EPHA6: variants seen among roughly 807,000 people sequenced by gnomAD.
EPHA6 encodes the protein EPH receptor A6.
A neutral mutation model predicts 112.0 loss-of-function variants in EPHA6; 50 were observed. That is an observed-to-expected ratio of 0.45 (90% CI 0.36 to 0.56). EPHA6 has a LOEUF of 0.56. Among genes scored for constraint, EPHA6 ranks in the 20% least tolerant of loss-of-function variants. EPHA6 has a pLI of 0.00. For synonymous variants in EPHA6, 529 were observed against 490.7 expected (o/e 1.08, Z -1.03); for missense variants, 1,280 against 1,417.4 (o/e 0.90, Z 1.56).
intron 3 of EPHA6, among the ~76,000 whole-genome samples, chr3:97,006,228 C>G (rs1211072349): frequency 6.6e-6 from 1 of 152,198 alleles, no homozygotes; most frequent in African/African-American, 2.4e-5. Context: ...TAGAGTTCAG[C>G]TGTGAATCCA....
At chr3:97,521,069 A>G (rs971249069) in intron 10 of EPHA6, among the ~76,000 whole-genome samples, 1 of 150,148 alleles carries the variant, frequency 6.7e-6, no homozygotes, top group African/African-American at 2.5e-5. Context: ...TATAATATCT[A>G]TCTCTTTGGT....
At chr3:97,669,595 TAAA>T (rs77846776) in intron 14 of EPHA6, among the ~76,000 whole-genome samples, 6 of 135,806 alleles carry the variant, frequency 4.4e-5, no homozygotes, top group Middle Eastern at 3.5e-3. Context: ...TATCCCATCT[TAAA>T]AAAAAAAAAA....
In EPHA6 at chr3:97,750,646, C is replaced by T. The variant is rs1007152035; in HGVS notation, c.*1945C>T. ...CTGAGATTACAGGCGTGAGCCACCG[C>T]GCCTGGCCATTTTTTTCTTATATTT... On this transcript the variant is annotated 3_prime_UTR_variant, in exon 18 of 18. Coordinates refer to ENST00000389672, the MANE Select transcript of EPHA6 (RefSeq NM_001080448.3). Among the ~76,000 whole-genome samples the T allele has an allele frequency of 3.3e-5, 5 of 152,088 alleles. No individual in the cohort carries two copies. Among genetic ancestry groups the T allele is most frequent in the African/African-American group, 1.2e-4 (5 of 41,416 alleles).
chr3:97,681,275 T>C (rs1409114039), intron 14 of EPHA6, among the ~76,000 whole-genome samples: 2 of 152,152 alleles, frequency 1.3e-5, no homozygotes, highest in Non-Finnish European at 2.9e-5. Context: ...ACACTGTTGG[T>C]AAGAATATAA....
intron 2 of EPHA6, among the ~76,000 whole-genome samples, chr3:96,887,201 C>T: frequency 6.6e-6 from 1 of 151,784 alleles, no homozygotes; most frequent in Non-Finnish European, 1.5e-5. Context: ...TTTCTGGTTC[C>T]TTCTCATTTG....
chr3:97,477,620 A>G (rs2107470033), intron 8 of EPHA6, among the ~76,000 whole-genome samples: 1 of 152,332 alleles, frequency 6.6e-6, no homozygotes, highest in African/African-American at 2.4e-5. Flanking sequence ...TTTGGTTAAG[A>G]AAATCAAATT....
intron 5 of EPHA6, among the ~76,000 whole-genome samples, chr3:97,341,912 G>T (rs1422916329): frequency 1.3e-5 from 2 of 152,102 alleles, no homozygotes; most frequent in African/African-American, 4.8e-5. Flanking sequence ...TGAGGAGAGG[G>T]TGAGAAAGAC....
chr3:97,110,015 T>C (rs1559734216), intron 3 of EPHA6, among the ~76,000 whole-genome samples: 1 of 152,082 alleles, frequency 6.6e-6, no homozygotes, highest in Non-Finnish European at 1.5e-5. Context: ...TGAAAAGAGG[T>C]ATTAAATAAC....
chr3:97,208,589 A>G (rs898839903), intron 3 of EPHA6, among the ~76,000 whole-genome samples: 7 of 152,042 alleles, frequency 4.6e-5, no homozygotes, highest in Admixed American at 6.6e-5. Context: ...CTACTAAAAT[A>G]CAAAAAAAAT....
intron 2 of EPHA6, among the ~76,000 whole-genome samples, chr3:96,926,914 C>T (rs1393168021): frequency 6.6e-6 from 1 of 152,198 alleles, no homozygotes; most frequent in Non-Finnish European, 1.5e-5. Flanking sequence ...CACAGCTGCA[C>T]TAGGCAGTGC....
At chr3:97,466,772 G>T (rs927211059) in intron 7 of EPHA6, among the ~76,000 whole-genome samples, 2 of 151,784 alleles carry the variant, frequency 1.3e-5, no homozygotes, top group Non-Finnish European at 2.9e-5. Flanking sequence ...CCTCTTCCTT[G>T]CCTATCTCTC....
At position 97,443,670 on chromosome 3, in the gene EPHA6, G is replaced by T. The variant is rs1263319249; in HGVS notation, c.1732-4898G>T. Among the ~76,000 whole-genome samples the T allele has an allele frequency of 3.3e-5, 5 of 152,072 alleles. No individual in the cohort carries two copies. The East Asian group carries it at 7.7e-4, about 23-fold the overall frequency. On this transcript the variant is annotated intron_variant, in intron 6 of 17. Transcript: ENST00000389672. The stretch of plus-strand genomic sequence containing the variant: ...AAATAAAGGCAGCCTGCATGGATTT[G>T]TTAACCTTAATAGAAAATAATTTTA...
chr3:97,092,688 G>A (rs1259957528), intron 3 of EPHA6, among the ~76,000 whole-genome samples: 1 of 151,970 alleles, frequency 6.6e-6, no homozygotes, highest in African/African-American at 2.4e-5. Context: ...GTGACTCCTT[G>A]ATGGAAGAAG....
intron 3 of EPHA6, among the ~76,000 whole-genome samples, chr3:97,140,498 C>A (rs1049108066): frequency 1.3e-5 from 2 of 152,148 alleles, no homozygotes; most frequent in African/African-American, 4.8e-5. Context: ...CAGGAGAAAC[C>A]TTTTAAGCCA....
At chr3:97,466,505 A>G (rs570513823) in intron 7 of EPHA6, 1 of 1,103,808 alleles carries the variant, frequency 9.1e-7, no homozygotes, top group South Asian at 1.2e-5. Context: ...TCAAAGGGGT[A>G]GTGTGAGGGT....
At chr3:97,059,385 G>A (rs2045949093) in intron 3 of EPHA6, among the ~76,000 whole-genome samples, 1 of 152,086 alleles carries the variant, frequency 6.6e-6, no homozygotes, top group South Asian at 2.1e-4. Flanking sequence ...GTCTCTTGGG[G>A]AAGATTATCA....
At chr3:97,632,729 C>A (rs946407372) in intron 13 of EPHA6, among the ~76,000 whole-genome samples, 2 of 151,948 alleles carry the variant, frequency 1.3e-5, no homozygotes, top group African/African-American at 4.8e-5. Context: ...GTGAATTGAG[C>A]ACATGCAAAA....
chr3:96,823,991 G>T (rs1247902801), intron 1 of EPHA6, among the ~76,000 whole-genome samples: 1 of 151,608 alleles, frequency 6.6e-6, no homozygotes, highest in Non-Finnish European at 1.5e-5. Context: ...AGAGCAAAAA[G>T]GTACTTATAG....
intron 6 of EPHA6, among the ~76,000 whole-genome samples, chr3:97,416,716 G>T (rs1047190546): frequency 2.0e-5 from 3 of 152,044 alleles, no homozygotes; most frequent in African/African-American, 7.2e-5. Context: ...CATTAGGAAT[G>T]ATATTAAAAT....
Sources: gnomAD v4.1 joint callset for allele counts (sites outside exome capture counted in the v4.1 genomes callset) on GRCh38, gnomAD v4.1.1 for gene constraint, MANE v1.5 for transcripts, NCBI Gene and HGNC (gene_info 2026-07-23, HGNC 2026-07-21) for gene names.